The following TTC28 variants were observed in gnomAD, a reference collection of about 807,000 sequenced individuals.
TTC28 encodes the protein tetratricopeptide repeat protein 28.
TTC28 carries 61 observed loss-of-function variants against 198.0 expected under a neutral mutation model. The ratio of observed to expected loss-of-function variants is 0.31; its 90% CI spans 0.25 to 0.38. TTC28 has a LOEUF of 0.38. TTC28 is among the 10% of genes least tolerant of loss of function. The pLI is 1.00. For synonymous variants in TTC28, 1,171 were observed against 1,297.8 expected (o/e 0.90, Z 2.10); for missense variants, 2,678 against 3,164.0 (o/e 0.85, Z 3.69).
chr22:28,246,292 G>A (rs1189540665), intron 5 of TTC28, among the ~76,000 whole-genome samples: 1 of 152,132 alleles, frequency 6.6e-6, no homozygotes, highest in Non-Finnish European at 1.5e-5. Flanking sequence ...CTACATCAGT[G>A]CTGTTTTGAG....
chr22:28,191,036 A>G (rs998601313), intron 5 of TTC28, among the ~76,000 whole-genome samples: 6 of 152,282 alleles, frequency 3.9e-5, no homozygotes, highest in Admixed American at 1.3e-4. Flanking sequence ...AACGATTTTC[A>G]CAATATGATT....
intron 2 of TTC28, among the ~76,000 whole-genome samples, chr22:28,578,210 T>C (rs191057848): frequency 3.9e-5 from 6 of 152,280 alleles, no homozygotes; most frequent in Admixed American, 3.3e-4. Flanking sequence ...ATGACACTGA[T>C]TGCATGAACA....
intron 1 of TTC28, among the ~76,000 whole-genome samples, chr22:28,669,803 TAGG>T (rs1333911817): frequency 1.3e-5 from 2 of 152,306 alleles, no homozygotes; most frequent in Admixed American, 1.3e-4. Context: ...AATTTTCTTT[TAGG>T]AGATGTAAGA....
intron 2 of TTC28, among the ~76,000 whole-genome samples, chr22:28,336,175 C>A (rs549410135): frequency 1.3e-5 from 2 of 152,148 alleles, no homozygotes; most frequent in Non-Finnish European, 2.9e-5. Context: ...AGCCTTGCAT[C>A]CCAGGGATGA....
intron 2 of TTC28, among the ~76,000 whole-genome samples, chr22:28,607,284 T>C (rs924282542): frequency 2.6e-5 from 4 of 152,218 alleles, no homozygotes; most frequent in African/African-American, 9.6e-5. Context: ...AATACACTTA[T>C]ATGTTTTTAT....
chr22:28,386,578 G>A (rs1489117076), intron 2 of TTC28, among the ~76,000 whole-genome samples: 2 of 152,222 alleles, frequency 1.3e-5, no homozygotes, highest in East Asian at 3.9e-4. Flanking sequence ...GTCCTTGAAT[G>A]GGTATAGGGT....
intron 5 of TTC28, among the ~76,000 whole-genome samples, chr22:28,206,068 A>T (rs1423105055): frequency 6.6e-5 from 10 of 151,978 alleles, no homozygotes; most frequent in Non-Finnish European, 1.5e-4. Flanking sequence ...AAAGCAAAAC[A>T]TTAAAATTCT....
chr22:28,571,758 G>T (rs1299215897), intron 2 of TTC28, among the ~76,000 whole-genome samples: 1 of 152,056 alleles, frequency 6.6e-6, no homozygotes, highest in Non-Finnish European at 1.5e-5. Flanking sequence ...AGGCCAGCCT[G>T]ACAAACATGG....
chr22:28,290,311 A>G (rs969349440), intron 5 of TTC28, among the ~76,000 whole-genome samples: 2 of 152,206 alleles, frequency 1.3e-5, no homozygotes, highest in Non-Finnish European at 2.9e-5. Flanking sequence ...GAATAGGATA[A>G]TCATAAAATC....
chr22:28,176,484 A>G (rs1452597165), intron 5 of TTC28, among the ~76,000 whole-genome samples: 3 of 152,170 alleles, frequency 2.0e-5, no homozygotes, highest in Admixed American at 6.5e-5. Context: ...TGGGAGGAAT[A>G]AATTCTGGTG....
At chr22:28,167,308 C>T (rs1288260699) in intron 5 of TTC28, among the ~76,000 whole-genome samples, 1 of 152,208 alleles carries the variant, frequency 6.6e-6, no homozygotes, top group African/African-American at 2.4e-5. Context: ...AGGGAATCCT[C>T]CCTAACTCAT....
At chr22:28,543,646 C>A (rs1460086064) in intron 2 of TTC28, among the ~76,000 whole-genome samples, 2 of 152,156 alleles carry the variant, frequency 1.3e-5, no homozygotes, top group Non-Finnish European at 2.9e-5. Context: ...CAGGCCCAGA[C>A]AGCTTCACTG....
intron 2 of TTC28, among the ~76,000 whole-genome samples, chr22:28,412,361 CG>C (rs1196066644): frequency 4.0e-5 from 6 of 150,620 alleles, no homozygotes; most frequent in Non-Finnish European, 7.4e-5. Flanking sequence ...TGGCGGGGGG[CG>C]GGGGGAGAGG....
chr22:28,025,932 TGCCAGGTCTCAGCTTACCG>T (rs1380839543), intron 13 of TTC28, among the ~76,000 whole-genome samples: 1 of 152,064 alleles, frequency 6.6e-6, no homozygotes, highest in African/African-American at 2.4e-5. Context: ...GACACGTGTG[TGCCAGGTCTCAGCTTACCG>T]GCCAGGCTGG....
intron 2 of TTC28, among the ~76,000 whole-genome samples, chr22:28,428,238 A>C (rs1039197634): frequency 4.6e-5 from 7 of 152,198 alleles, no homozygotes; most frequent in African/African-American, 1.7e-4. Flanking sequence ...ATTTCAGAGA[A>C]AATCAAGCTA....
chr22:28,467,561 C>T (rs952474627), intron 2 of TTC28, among the ~76,000 whole-genome samples: 1 of 152,168 alleles, frequency 6.6e-6, no homozygotes, highest in Non-Finnish European at 1.5e-5. Flanking sequence ...TCTAGACTAA[C>T]AATATATTGT....
chr22:28,233,838 G>C (rs1029386547), intron 5 of TTC28, among the ~76,000 whole-genome samples: 2 of 151,926 alleles, frequency 1.3e-5, no homozygotes, highest in Non-Finnish European at 2.9e-5. Flanking sequence ...TCTGCCTCCT[G>C]GGTTCAAGCG....
intron 2 of TTC28, among the ~76,000 whole-genome samples, chr22:28,352,657 A>T (rs1230181127): frequency 6.6e-6 from 1 of 152,090 alleles, no homozygotes; most frequent in African/African-American, 2.4e-5. Flanking sequence ...CCCAGGCTGC[A>T]GGCTTCATGC....
intron 2 of TTC28, among the ~76,000 whole-genome samples, chr22:28,461,460 G>A (rs1002377104): frequency 8.0e-5 from 12 of 150,718 alleles, no homozygotes; most frequent in African/African-American, 2.4e-4. Context: ...CTTTTGAGAC[G>A]AAGTCTCACT....
Sources: allele counts gnomAD v4.1 joint callset (sites outside exome capture counted in the v4.1 genomes callset), GRCh38; gene constraint gnomAD v4.1.1; transcripts MANE v1.5; gene names NCBI Gene and HGNC (gene_info 2026-07-23, HGNC 2026-07-21).